POLR1F: variants seen among roughly 807,000 people sequenced by gnomAD.
POLR1F encodes RNA polymerase I subunit F.
A neutral mutation model predicts 21.8 loss-of-function variants in POLR1F; 23 were observed. That is an observed-to-expected ratio of 1.05 (90% CI 0.76 to 1.49). The LOEUF is 1.49. POLR1F is among the 40% of genes most tolerant of loss of function. POLR1F has a pLI of 0.00. For missense variants in POLR1F, 435 were observed against 412.1 expected (o/e 1.06, Z -0.48); for synonymous variants, 162 against 152.8 (o/e 1.06, Z -0.45).
intron 2 of POLR1F, among the ~76,000 whole-genome samples, chr7:19,701,961 A>G (rs1489040236): frequency 6.6e-6 from 1 of 152,132 alleles, no homozygotes; most frequent in African/African-American, 2.4e-5. Flanking sequence ...TGGCAAAGCA[A>G]TATCTGTGTG....
intron 2 of POLR1F, among the ~76,000 whole-genome samples, chr7:19,704,117 A>G (rs1166830623): frequency 6.6e-6 from 1 of 152,226 alleles, no homozygotes; most frequent in African/African-American, 2.4e-5. Flanking sequence ...TTTATGAACA[A>G]TATCAAGGGT....
At chr7:19,708,726 C>G (rs1451998699) in intron 1 of POLR1F, 37 bp downstream of exon 1, 1 of 1,582,080 alleles carries the variant, frequency 6.3e-7, no homozygotes, top group Admixed American at 1.7e-5. Context: ...CTTTACTTCC[C>G]GTGCACAAAA....
chr7:19,701,751 T>C (rs1004604161), intron 2 of POLR1F, among the ~76,000 whole-genome samples: 1 of 152,154 alleles, frequency 6.6e-6, no homozygotes, highest in Non-Finnish European at 1.5e-5. Context: ...CCCAGTGATA[T>C]TTACTTTAAA....
In POLR1F at chr7:19,698,353, C is replaced by T; in HGVS notation, c.980G>A (p.Cys327Tyr). Residue 327 changes from cysteine (C) to tyrosine (Y), a missense_variant, in exon 4 of 4, where the codon TGC becomes TAC. Transcript: ENST00000222567. The part of the protein sequence containing the change: ...EEAEFTPPLK[C>Y]SPKRKGKSNF... ...ACTTTTCCCTTTTCTTTTTGGTGAG[C>T]ATTTCAAAGGTGGGGTAAATTCGGC... The T allele has an allele frequency of 1.3e-6, 2 of 1,573,038 alleles. No individual in the cohort carries two copies. Among genetic ancestry groups the T allele is most frequent in the Non-Finnish European group, 1.7e-6 (2 of 1,169,258 alleles).
At chr7:19,700,614 C>G (rs1392472764) in intron 2 of POLR1F, among the ~76,000 whole-genome samples, 2 of 152,202 alleles carry the variant, frequency 1.3e-5, no homozygotes, top group African/African-American at 4.8e-5. Context: ...CAACTCCCCA[C>G]TGCAGGATTC....
At chr7:19,708,348 G>A (rs1783564514) in intron 1 of POLR1F, among the ~76,000 whole-genome samples, 1 of 152,198 alleles carries the variant, frequency 6.6e-6, no homozygotes, top group African/African-American at 2.4e-5. Flanking sequence ...TCTATGGAAT[G>A]AGAATCTACT....
chr7:19,703,876 G>A (rs1047079078), intron 2 of POLR1F, among the ~76,000 whole-genome samples: 8 of 152,170 alleles, frequency 5.3e-5, no homozygotes, highest in Admixed American at 3.9e-4. Flanking sequence ...TTGTAGGTGT[G>A]AGCCACTGTG....
chr7:19,707,503 C>T (rs1232633484), intron 1 of POLR1F, among the ~76,000 whole-genome samples: 1 of 152,176 alleles, frequency 6.6e-6, no homozygotes, highest in African/African-American at 2.4e-5. Context: ...CTGACATAAA[C>T]CTTATTCTAC....
chr7:19,708,455 AG>A (rs1747781924), intron 1 of POLR1F, among the ~76,000 whole-genome samples: 1 of 152,186 alleles, frequency 6.6e-6, no homozygotes, highest in South Asian at 2.1e-4. Flanking sequence ...TGGGCCTACT[AG>A]GTCTCCAGAT....
intron 1 of POLR1F, 140 bp downstream of exon 1, chr7:19,708,623 C>T (rs528261280): frequency 2.5e-6 from 3 of 1,202,582 alleles, no homozygotes; most frequent in South Asian, 1.4e-5. Flanking sequence ...AGGGACGGAT[C>T]GCGACTCTAG....
At chr7:19,701,821 A>G (rs1216941623) in intron 2 of POLR1F, among the ~76,000 whole-genome samples, 9 of 152,060 alleles carry the variant, frequency 5.9e-5, no homozygotes, top group Non-Finnish European at 1.3e-4. Context: ...TTAATTATCC[A>G]AAAGTGTGTG....
Position 19,701,727 on chromosome 7 carries a change from G to T in POLR1F, c.397-1447C>A, listed in dbSNP as rs560082482. On this transcript the variant is annotated intron_variant, in intron 2 of 3. Transcript: ENST00000222567. The stretch of plus-strand genomic sequence containing the variant: ...TTTAAGTCAGATGGCCTCTGGGGGG[G>T]CAGGGATATTGCCCCCAGTGATATT... 3.9e-5 allele frequency among the ~76,000 whole-genome samples: 6 copies of T among 152,214 alleles called. No individual in the cohort carries two copies. In the East Asian group the frequency reaches 9.7e-4, roughly 25 times the overall value.
At position 19,698,495 on chromosome 7, in the gene POLR1F, T is replaced by A; in HGVS notation, c.838A>T (p.Lys280Ter). The A allele has an allele frequency of 6.2e-7, 1 of 1,607,786 alleles. No homozygotes were observed. Among genetic ancestry groups the A allele is most frequent in the Non-Finnish European group, 8.5e-7 (1 of 1,178,556 alleles). Residue 280 changes from lysine (K) to a stop codon, truncating the protein, a stop_gained, in exon 4 of 4, where the codon AAG becomes TAG. Coordinates refer to ENST00000222567, the MANE Select transcript of POLR1F (RefSeq NM_001002926.2). LOFTEE classifies it high-confidence loss of function. ...TGAACTTCCTGGTGCTTTTTCTTCT[T>A]CTTCTTTTTCTTTGGCTCCTCCTCC... ...IWEEEPKKKK[K>*]KKKHQEVQDQ...
chr7:19,704,041 ATATTG>A (rs1262831425), intron 2 of POLR1F, among the ~76,000 whole-genome samples: 1 of 152,242 alleles, frequency 6.6e-6, no homozygotes, highest in Non-Finnish European at 1.5e-5. Context: ...TATTAATTTG[ATATTG>A]AAAAATGAAA....
intron 1 of POLR1F, 131 bp from the exon 2 acceptor site, chr7:19,705,051 C>A: frequency 1.2e-6 from 1 of 832,360 alleles, no homozygotes; most frequent in South Asian, 2.3e-5. Context: ...GCAGCCTCGA[C>A]CTCCTGGGCT....
rs139233370 is a variant in POLR1F at position 19,708,760 on chromosome 7, T to C, written c.254+3A>G. On this transcript the variant is annotated splice_donor_region_variant and intron_variant, in intron 1 of 3. Coordinates refer to ENST00000222567, the MANE Select transcript of POLR1F (RefSeq NM_001002926.2). ...AAGAAGGAACAGGCAAAGAGATCGG[T>C]ACCTCTCAGAATAGCGAAGGAGCTC... The C allele has an allele frequency of 8.3e-4, 1,338 of 1,607,400 alleles. 19 individuals carry two copies. In the Admixed American group the frequency reaches 0.021, roughly 25 times the overall value.
intron 2 of POLR1F, among the ~76,000 whole-genome samples, chr7:19,702,407 C>T (rs1783457868): frequency 6.6e-6 from 1 of 152,132 alleles, no homozygotes; most frequent in African/African-American, 2.4e-5. Flanking sequence ...CCTCACACTA[C>T]ACACAAAAAT....
Position 19,696,452 on chromosome 7 carries a change from C to T in POLR1F, c.*1864G>A, listed in dbSNP as rs1194603362. ...TTTTCCAGGAATAGCATAAATTTGC[C>T]ATCTTTCTTGTGTCTATGGAAAAGG... On this transcript the variant is annotated 3_prime_UTR_variant, in exon 4 of 4. Coordinates refer to ENST00000222567, the MANE Select transcript of POLR1F (RefSeq NM_001002926.2). 1.3e-5 allele frequency: 2 copies of T among 152,018 alleles called. No individual in the cohort carries two copies. The highest frequency in any genetic ancestry group is 2.4e-5 in the African/African-American group (1 of 41,422). 9.4% of individuals were successfully genotyped at this position (152,018 alleles called of 1,614,324 possible).
In POLR1F at chr7:19,704,766, G is replaced by C; in HGVS notation, c.396+13C>G. ...ATTATACAAAGGGAGCTAGAAAAAA[G>C]TGATACACATACCATAAGCTTCTGC... On this transcript the variant is annotated intron_variant, in intron 2 of 3. Coordinates refer to ENST00000222567, the MANE Select transcript of POLR1F (RefSeq NM_001002926.2). 1.9e-6 allele frequency: 3 copies of C among 1,577,910 alleles called. No homozygotes were observed. Among genetic ancestry groups the C allele is most frequent in the Non-Finnish European group, 2.6e-6 (3 of 1,169,964 alleles).
Sources: gnomAD v4.1 joint callset for allele counts (sites outside exome capture counted in the v4.1 genomes callset) on GRCh38, gnomAD v4.1.1 for gene constraint, MANE v1.5 for transcripts, NCBI Gene and HGNC (gene_info 2026-07-23, HGNC 2026-07-21) for gene names.